Variants in PPP1R9A observed in about 807,000 individuals in gnomAD.
The protein encoded by PPP1R9A is neurabin-1.
PPP1R9A carries 59 observed loss-of-function variants against 141.9 expected under a neutral mutation model. The observed-to-expected ratio is 0.42, with a 90% CI of 0.34 to 0.52. The LOEUF (loss-of-function observed/expected upper bound fraction) is 0.52, where lower values mean the gene tolerates loss of function less well. Ranked by LOEUF, PPP1R9A falls within the 20% of genes least tolerant of loss-of-function variation. The pLI, the probability that PPP1R9A is intolerant of heterozygous loss-of-function variation, is 0.10. For missense variants in PPP1R9A, 1,444 were observed against 1,611.9 expected (o/e 0.90, Z 1.78); for synonymous variants, 500 against 569.7 (o/e 0.88, Z 1.74).
chr7:95,005,733 C>A (rs2151564414), intron 2 of PPP1R9A, among the ~76,000 whole-genome samples: 1 of 152,190 alleles, frequency 6.6e-6, no homozygotes, highest in African/African-American at 2.4e-5. Context: ...TCTTTAAGAT[C>A]TTTGGTTTAG....
At chr7:95,032,173 G>T (rs1047771822) in intron 2 of PPP1R9A, among the ~76,000 whole-genome samples, 2 of 152,146 alleles carry the variant, frequency 1.3e-5, no homozygotes, top group African/African-American at 4.8e-5. Context: ...GGATGTCAAA[G>T]ATGCAGTTTA....
At chr7:95,101,647 C>T (rs1292316720) in intron 2 of PPP1R9A, among the ~76,000 whole-genome samples, 1 of 152,094 alleles carries the variant, frequency 6.6e-6, no homozygotes, top group African/African-American at 2.4e-5. Flanking sequence ...AAGAAAATAC[C>T]CTTTCTACCC....
intron 2 of PPP1R9A, among the ~76,000 whole-genome samples, chr7:95,106,143 T>C (rs1315499278): frequency 6.6e-6 from 1 of 152,154 alleles, no homozygotes; most frequent in East Asian, 1.9e-4. Context: ...ATATGGGTAG[T>C]AGGTATCAGG....
chr7:95,250,340 A>G, intron 10 of PPP1R9A, 85 bp downstream of exon 10: 1 of 1,175,624 alleles, frequency 8.5e-7, no homozygotes, highest in Non-Finnish European at 1.2e-6. Flanking sequence ...CTAGTGGAAC[A>G]GAAAAGATGA....
chr7:95,144,324 C>CT (rs1827215692), intron 4 of PPP1R9A, among the ~76,000 whole-genome samples: 1 of 152,028 alleles, frequency 6.6e-6, no homozygotes, highest in South Asian at 2.1e-4. Context: ...ATAAGATTTC[C>CT]TTTTTTAAGG....
At chr7:95,198,886 G>A (rs1788904478) in intron 6 of PPP1R9A, among the ~76,000 whole-genome samples, 1 of 152,032 alleles carries the variant, frequency 6.6e-6, no homozygotes, top group African/African-American at 2.4e-5. Context: ...CAAAAAATCA[G>A]TAAACACACC....
At chr7:95,013,898 G>T (rs950853638) in intron 2 of PPP1R9A, among the ~76,000 whole-genome samples, 1 of 152,062 alleles carries the variant, frequency 6.6e-6, no homozygotes, top group Admixed American at 6.6e-5. Flanking sequence ...ATTGTAGAAA[G>T]AATTACAGAT....
At chr7:95,078,815 T>C (rs1815290824) in intron 2 of PPP1R9A, among the ~76,000 whole-genome samples, 1 of 151,656 alleles carries the variant, frequency 6.6e-6, no homozygotes, top group Admixed American at 6.6e-5. Flanking sequence ...TCGCCCACTT[T>C]TTGATGGGGT....
At chr7:95,048,029 T>G (rs958020938) in intron 2 of PPP1R9A, among the ~76,000 whole-genome samples, 1 of 152,318 alleles carries the variant, frequency 6.6e-6, no homozygotes, top group African/African-American at 2.4e-5. Context: ...TAAAAAGGAA[T>G]AGCTGTTAAC....
chr7:95,044,461 T>C (rs2151936578), intron 2 of PPP1R9A, among the ~76,000 whole-genome samples: 1 of 152,088 alleles, frequency 6.6e-6, no homozygotes, highest in East Asian at 1.9e-4. Flanking sequence ...GTCTAATGAG[T>C]CTAAAAGAGA....
rs1267642969 is a variant in PPP1R9A at position 95,295,845 on chromosome 7, TTAAA to T, written c.*5545_*5548del. The T allele has an allele frequency of 6.5e-6, 1 of 152,688 alleles. No homozygotes were observed. The highest frequency in any genetic ancestry group is 1.5e-5 in the Non-Finnish European group (1 of 68,040). The allele number at this position is 152,688 out of a possible 1,614,324, so 9.5% of individuals were successfully genotyped here. A position where few individuals can be genotyped will look rare whatever the true frequency, so the allele number is the denominator to read the frequency against. ...TTTAGTTAGTGCTTAGTGAAATTCC[TTAAA>T]TATATATGTATATGTTTTCTTCAAC... On this transcript the variant is annotated 3_prime_UTR_variant, in exon 20 of 20. Transcript: ENST00000433360.
intron 5 of PPP1R9A, among the ~76,000 whole-genome samples, chr7:95,192,648 A>G (rs1835679462): frequency 6.6e-6 from 1 of 152,032 alleles, no homozygotes; most frequent in African/African-American, 2.4e-5. Flanking sequence ...TGTGGAAACA[A>G]AGGCTTAGAA....
chr7:94,975,101 A>G (rs1439931649), intron 2 of PPP1R9A, among the ~76,000 whole-genome samples: 23 of 152,170 alleles, frequency 1.5e-4, no homozygotes, highest in Admixed American at 1.5e-3. Context: ...TAATTTGGAA[A>G]AAAAATACTG....
At chr7:94,919,334 A>G (rs1367819646) in intron 2 of PPP1R9A, among the ~76,000 whole-genome samples, 1 of 113,758 alleles carries the variant, frequency 8.8e-6, no homozygotes, top group Non-Finnish European at 1.7e-5. Context: ...TTGTAGATTC[A>G]GGGTCTTGCT....
intron 2 of PPP1R9A, among the ~76,000 whole-genome samples, chr7:94,959,364 A>G (rs1292519485): frequency 6.6e-6 from 1 of 151,770 alleles, no homozygotes; most frequent in Non-Finnish European, 1.5e-5. Context: ...TAAATTTATT[A>G]ATGTTACAGA....
intron 6 of PPP1R9A, among the ~76,000 whole-genome samples, chr7:95,199,107 A>G (rs957953436): frequency 6.6e-6 from 1 of 152,218 alleles, no homozygotes; most frequent in East Asian, 1.9e-4. Context: ...GATCAAGTAA[A>G]TGAATAGAAG....
chr7:95,008,297 G>A (rs1803907357), intron 2 of PPP1R9A, among the ~76,000 whole-genome samples: 2 of 151,890 alleles, frequency 1.3e-5, no homozygotes, highest in Non-Finnish European at 2.9e-5. Context: ...GGTTTTTAGG[G>A]GGAAACACCT....
intron 2 of PPP1R9A, among the ~76,000 whole-genome samples, chr7:95,029,825 T>A (rs1339536562): frequency 2.0e-5 from 3 of 152,228 alleles, no homozygotes; most frequent in African/African-American, 7.2e-5. Flanking sequence ...CTGATGCATA[T>A]CTTAGTGAAT....
intron 7 of PPP1R9A, among the ~76,000 whole-genome samples, chr7:95,220,145 C>CA (rs1165454053): frequency 1.3e-5 from 2 of 151,888 alleles, no homozygotes; most frequent in Non-Finnish European, 2.9e-5. Context: ...GAGTCACTGA[C>CA]AAAAAAATGG....
Sources: gnomAD v4.1 joint callset for allele counts (sites outside exome capture counted in the v4.1 genomes callset) on GRCh38, gnomAD v4.1.1 for gene constraint, MANE v1.5 for transcripts, NCBI Gene and HGNC (gene_info 2026-07-23, HGNC 2026-07-21) for gene names.